Variants in DACH2 observed in about 807,000 individuals in gnomAD.
DACH2 encodes dachshund homolog 2.
In DACH2, 17 loss-of-function variants were observed where a neutral mutation model predicts 35.8. That is an observed-to-expected ratio of 0.48 (90% CI 0.33 to 0.71). The LOEUF (loss-of-function observed/expected upper bound fraction) is 0.71. Ranked by LOEUF, DACH2 falls within the 30% of genes least tolerant of loss-of-function variation. The probability of loss-of-function intolerance (pLI) is 0.02; values close to 1 mark genes in which losing one functional copy is unlikely to be tolerated. For synonymous variants in DACH2, 195 were observed against 177.3 expected (o/e 1.10, Z -0.79); for missense variants, 469 against 472.7 (o/e 0.99, Z 0.07).
intron 3 of DACH2, among the ~76,000 whole-genome samples, chrX:86,523,588 G>GT (rs748391591): frequency 1.2e-4 from 13 of 111,120 alleles, no homozygotes; most frequent in Admixed American, 2.9e-4. Flanking sequence ...GTAGGTTAGG[G>GT]TTTTTTTGGA....
intron 7 of DACH2, among the ~76,000 whole-genome samples, chrX:86,809,006 C>T (rs1168098661): frequency 4.5e-5 from 5 of 111,480 alleles, no homozygotes; most frequent in Non-Finnish European, 3.8e-5. Flanking sequence ...CTGGGCTCTA[C>T]GAAATAAGTT....
chrX:86,709,964 C>T (rs1017157351), intron 5 of DACH2, among the ~76,000 whole-genome samples: 1 of 111,617 alleles, frequency 9.0e-6, no homozygotes, highest in Non-Finnish European at 1.9e-5. Flanking sequence ...ACTATAGTGA[C>T]TTTGGAAGAC....
At chrX:86,508,096 T>C (rs1316583482) in intron 2 of DACH2, among the ~76,000 whole-genome samples, 1 of 111,606 alleles carries the variant, frequency 9.0e-6, no homozygotes, top group African/African-American at 3.3e-5. Context: ...AAGGCACTAG[T>C]GGAATGTGTC....
intron 1 of DACH2, among the ~76,000 whole-genome samples, chrX:86,202,659 G>A (rs775176351): frequency 1.8e-5 from 2 of 111,039 alleles, no homozygotes; most frequent in Non-Finnish European, 3.8e-5. Flanking sequence ...AAGAAAGATT[G>A]GTTAGAGGAA....
At chrX:86,752,421 A>G (rs764079443) in intron 7 of DACH2, among the ~76,000 whole-genome samples, 2 of 111,267 alleles carry the variant, frequency 1.8e-5, no homozygotes, top group Non-Finnish European at 3.8e-5. Context: ...AAATAAATAG[A>G]TATATATATA....
intron 1 of DACH2, among the ~76,000 whole-genome samples, chrX:86,188,733 G>A (rs1026038274): frequency 2.7e-5 from 3 of 112,074 alleles, no homozygotes; most frequent in African/African-American, 9.7e-5. Flanking sequence ...AAGGAATGCA[G>A]AGAAGGACTC....
chrX:86,818,143 A>T (rs1460348721), intron 11 of DACH2, among the ~76,000 whole-genome samples: 2 of 111,899 alleles, frequency 1.8e-5, no homozygotes, highest in Non-Finnish European at 3.8e-5. Flanking sequence ...CATAAATGTG[A>T]TAAAAATGGA....
chrX:86,631,820 T>G (rs2040204172), intron 3 of DACH2, among the ~76,000 whole-genome samples: 1 of 111,767 alleles, frequency 8.9e-6, no homozygotes, highest in Non-Finnish European at 1.9e-5. Flanking sequence ...GTAAATTGTA[T>G]TGCAAGCCAT....
chrX:86,631,605 T>TAACAGTGAA (rs2040201709), intron 3 of DACH2, among the ~76,000 whole-genome samples: 1 of 112,085 alleles, frequency 8.9e-6, no homozygotes, highest in African/African-American at 3.2e-5. Context: ...ATTTTTAAAA[T>TAACAGTGAA]ATAAAACCAT....
At chrX:86,620,186 AG>A (rs1387693770) in intron 3 of DACH2, among the ~76,000 whole-genome samples, 1 of 111,995 alleles carries the variant, frequency 8.9e-6, no homozygotes, top group Non-Finnish European at 1.9e-5. Flanking sequence ...AGTAAAGGCA[AG>A]GTGGTTCCAG....
intron 4 of DACH2, among the ~76,000 whole-genome samples, chrX:86,662,259 G>A (rs1027592801): frequency 9.0e-6 from 1 of 111,388 alleles, no homozygotes; most frequent in African/African-American, 3.3e-5. Flanking sequence ...TGTAGGCAGA[G>A]TAAAGTAAGA....
At chrX:86,570,709 A>G (rs916384095) in intron 3 of DACH2, among the ~76,000 whole-genome samples, 1 of 110,401 alleles carries the variant, frequency 9.1e-6, no homozygotes, top group Non-Finnish European at 1.9e-5. Context: ...CAGACCTCAC[A>G]TCCTGCACAT....
At chrX:86,820,295 A>G (rs999789569) in intron 11 of DACH2, among the ~76,000 whole-genome samples, 2 of 111,785 alleles carry the variant, frequency 1.8e-5, no homozygotes, top group Non-Finnish European at 3.8e-5. Flanking sequence ...AAGACACAAG[A>G]TGATTTAGCA....
chrX:86,720,513 C>A lies in DACH2; in HGVS notation c.1104+5793C>A, dbSNP rs1038553368. On this transcript the variant is annotated intron_variant, in intron 6 of 11. Transcript: ENST00000373125. ...AACCTTAAAGTTCCCTAACAATATT[C>A]TTTGACTCCATATCTCACATCCAGT... Among the ~76,000 whole-genome samples the A allele has an allele frequency of 2.7e-5, 3 of 112,101 alleles. No homozygotes were observed. In the East Asian group the frequency reaches 8.5e-4, roughly 32 times the overall value.
intron 2 of DACH2, among the ~76,000 whole-genome samples, chrX:86,501,996 ATCCTTCTT>A (rs768325063): frequency 3.7e-4 from 35 of 94,194 alleles, no homozygotes; most frequent in Middle Eastern, 5.4e-3. Context: ...ATTTTGAATA[ATCCTTCTT>A]TCCTTCTTTC....
At chrX:86,464,247 A>G (rs190514664) in intron 2 of DACH2, among the ~76,000 whole-genome samples, 2 of 111,640 alleles carry the variant, frequency 1.8e-5, no homozygotes, top group South Asian at 7.6e-4. Flanking sequence ...ACTATTCACA[A>G]TAGCAAAGAC....
intron 1 of DACH2, among the ~76,000 whole-genome samples, chrX:86,317,116 C>CAAA (rs35386773): frequency 1.3e-3 from 83 of 66,166 alleles, no homozygotes; most frequent in African/African-American, 4.0e-3. Context: ...GACTCCATCT[C>CAAA]AAAAAAAAAA....
intron 1 of DACH2, among the ~76,000 whole-genome samples, chrX:86,287,798 T>C (rs990177862): frequency 6.2e-5 from 7 of 112,178 alleles, no homozygotes; most frequent in Non-Finnish European, 1.3e-4. Flanking sequence ...CTCTGCGTTA[T>C]GTTGAATTTC....
intron 3 of DACH2, among the ~76,000 whole-genome samples, chrX:86,605,640 GC>G (rs970575866): frequency 9.1e-6 from 1 of 109,978 alleles, no homozygotes; most frequent in Admixed American, 9.7e-5. Context: ...AATTTTTTCA[GC>G]CCTTTTTGCT....
Sources: gnomAD v4.1 joint callset for allele counts (sites outside exome capture counted in the v4.1 genomes callset) on GRCh38, gnomAD v4.1.1 for gene constraint, MANE v1.5 for transcripts, NCBI Gene and HGNC (gene_info 2026-07-23, HGNC 2026-07-21) for gene names.